Variants in PDE4D observed in about 807,000 individuals in gnomAD.
The protein encoded by PDE4D is 3',5'-cyclic-AMP phosphodiesterase 4D.
PDE4D carries 24 observed loss-of-function variants against 87.4 expected under a neutral mutation model. The ratio of observed to expected loss-of-function variants is 0.27; its 90% CI spans 0.20 to 0.39. PDE4D has a LOEUF of 0.39. Ranked by LOEUF, PDE4D falls within the 10% of genes least tolerant of loss-of-function variation. The pLI is 1.00. For missense variants in PDE4D, 714 were observed against 1,041.0 expected (o/e 0.69, Z 4.32); for synonymous variants, 384 against 383.2 (o/e 1.00, Z -0.02).
At chr5:59,576,911 G>T (rs535444950) in intron 1 of PDE4D, among the ~76,000 whole-genome samples, 2 of 152,142 alleles carry the variant, frequency 1.3e-5, no homozygotes, top group African/African-American at 4.8e-5. Context: ...TTTAGGACTT[G>T]TAAGAGGTCT....
At chr5:60,104,716 G>C (rs1197016398) in intron 2 of PDE4D, among the ~76,000 whole-genome samples, 1 of 152,206 alleles carries the variant, frequency 6.6e-6, no homozygotes, top group Non-Finnish European at 1.5e-5. Context: ...AAAATCCGCT[G>C]TTCTGCAGAC....
At chr5:60,157,689 T>C (rs770152772) in intron 2 of PDE4D, among the ~76,000 whole-genome samples, 1 of 152,174 alleles carries the variant, frequency 6.6e-6, no homozygotes, top group African/African-American at 2.4e-5. Context: ...GAAAACTAAC[T>C]TCTTAAACTT....
At chr5:59,853,392 T>C (rs1389996963) in intron 1 of PDE4D, among the ~76,000 whole-genome samples, 1 of 152,024 alleles carries the variant, frequency 6.6e-6, no homozygotes, top group Non-Finnish European at 1.5e-5. Flanking sequence ...TTTGTTCTGG[T>C]TATAAAAATC....
rs567774827 is a variant in PDE4D, at chr5:60,187,052, A to C, written c.-89-1365T>G. On this transcript the variant is annotated intron_variant, in intron 1 of 16. Transcript: ENST00000502484. ...AGTAAGGTTCACTGTGGCTAAGAAT[A>C]TCTCTGGATGCAACTTGGGGACTCA... Among the ~76,000 whole-genome samples, 4 of 152,316 alleles carry C rather than the reference A, an allele frequency of 2.6e-5. No homozygotes were observed. In the East Asian group the frequency reaches 7.7e-4, roughly 29 times the overall value.
chr5:59,637,427 A>G (rs541039330), intron 1 of PDE4D, among the ~76,000 whole-genome samples: 5 of 152,226 alleles, frequency 3.3e-5, no homozygotes, highest in Admixed American at 6.5e-5. Context: ...AAATCATTCT[A>G]CTATAGAGAC....
intron 3 of PDE4D, among the ~76,000 whole-genome samples, chr5:59,976,742 G>T (rs1033188485): frequency 6.6e-6 from 1 of 152,152 alleles, no homozygotes; most frequent in African/African-American, 2.4e-5. Context: ...CATCAAGCAA[G>T]TCTATTGGCA....
At chr5:60,468,433 C>T (rs1011029853) in intron 1 of PDE4D, among the ~76,000 whole-genome samples, 9 of 151,614 alleles carry the variant, frequency 5.9e-5, no homozygotes, top group Non-Finnish European at 1.3e-4. Context: ...GCCACCATGC[C>T]CAGTCTACAT....
At chr5:59,440,276 G>A (rs1392386162) in intron 1 of PDE4D, among the ~76,000 whole-genome samples, 1 of 152,184 alleles carries the variant, frequency 6.6e-6, no homozygotes, top group Non-Finnish European at 1.5e-5. Flanking sequence ...GACAAATTAA[G>A]AGTAAATTAG....
chr5:59,450,841 A>G (rs3903515), intron 1 of PDE4D, among the ~76,000 whole-genome samples: 3,563 of 152,146 alleles, frequency 0.023, 150 homozygotes, highest in African/African-American at 0.081. Context: ...TCCTTCTCAC[A>G]TTCTCTGATA....
At chr5:59,905,622 A>T (rs1007650868) in intron 3 of PDE4D, among the ~76,000 whole-genome samples, 45 of 152,284 alleles carry the variant, frequency 3.0e-4, no homozygotes, top group African/African-American at 9.9e-4. Flanking sequence ...CATCGATGAA[A>T]ATAACAGAAT....
At chr5:60,117,980 A>C (rs1052056733) in intron 2 of PDE4D, among the ~76,000 whole-genome samples, 3 of 152,128 alleles carry the variant, frequency 2.0e-5, no homozygotes, top group Non-Finnish European at 4.4e-5. Flanking sequence ...CAACTTGCCA[A>C]ACAATTGATC....
intron 2 of PDE4D, among the ~76,000 whole-genome samples, chr5:60,041,905 G>A (rs978500794): frequency 9.0e-6 from 1 of 111,528 alleles, no homozygotes; most frequent in African/African-American, 3.7e-5. Flanking sequence ...CTAGCTGCAG[G>A]ATTTTTTTTT....
At chr5:59,478,484 A>C (rs1055520861) in intron 1 of PDE4D, among the ~76,000 whole-genome samples, 74 of 152,254 alleles carry the variant, frequency 4.9e-4, no homozygotes, top group African/African-American at 1.7e-3. Context: ...GTTTCTGTTT[A>C]TGTTTGAAAA....
chr5:59,314,668 G>T (rs558592107), intron 1 of PDE4D: 1 of 152,144 alleles, frequency 6.6e-6, no homozygotes, highest in African/African-American at 2.4e-5. Flanking sequence ...GAGAATCTGT[G>T]ACCACGCTAA....
intron 5 of PDE4D, among the ~76,000 whole-genome samples, chr5:59,079,535 T>C (rs1052443832): frequency 2.0e-5 from 3 of 152,074 alleles, no homozygotes; most frequent in Admixed American, 1.3e-4. Flanking sequence ...TATAAAGAGA[T>C]AGCACTAGAG....
intron 1 of PDE4D, among the ~76,000 whole-genome samples, chr5:59,861,072 T>C (rs1226322261): frequency 6.6e-6 from 1 of 150,886 alleles, no homozygotes; most frequent in Non-Finnish European, 1.5e-5. Flanking sequence ...AGTTTCGCCA[T>C]GTTGGCCAGG....
intron 1 of PDE4D, among the ~76,000 whole-genome samples, chr5:59,669,607 A>T (rs555849015): frequency 1.3e-5 from 2 of 152,278 alleles, no homozygotes; most frequent in South Asian, 4.1e-4. Context: ...GGCATGCTGG[A>T]CATAATAGGA....
chr5:59,814,947 G>T (rs906508531), intron 1 of PDE4D, among the ~76,000 whole-genome samples: 1 of 152,168 alleles, frequency 6.6e-6, no homozygotes. Context: ...CAAGAAGGTG[G>T]CTAAGAACAG....
At chr5:60,274,496 G>A (rs1286028558) in intron 1 of PDE4D, among the ~76,000 whole-genome samples, 3 of 152,130 alleles carry the variant, frequency 2.0e-5, no homozygotes, top group Non-Finnish European at 2.9e-5. Flanking sequence ...AAGTAGCTGA[G>A]ATTACCGGCA....
Sources: gnomAD v4.1 joint callset for allele counts (sites outside exome capture counted in the v4.1 genomes callset) on GRCh38, gnomAD v4.1.1 for gene constraint, MANE v1.5 for transcripts, NCBI Gene and HGNC (gene_info 2026-07-23, HGNC 2026-07-21) for gene names.